JMJD1C: variants seen among roughly 807,000 people sequenced by gnomAD.
JMJD1C encodes jumonji domain-containing protein 1C.
Under a neutral mutation model 245.3 loss-of-function variants are expected in JMJD1C, and 31 were observed. That is an observed-to-expected ratio of 0.13 (90% CI 0.09 to 0.17). JMJD1C has a LOEUF of 0.17. JMJD1C is among the 10% of genes least tolerant of loss of function. JMJD1C has a pLI of 1.00. For synonymous variants in JMJD1C, 1,057 were observed against 1,017.4 expected, an observed-to-expected ratio of 1.04 and a Z score of -0.74; for missense variants, 2,691 against 3,000.2, an observed-to-expected ratio of 0.90 and a Z score of 2.41.
At chr10:63,268,408 T>G (rs1440028653) in intron 2 of JMJD1C, among the ~76,000 whole-genome samples, 1 of 152,160 alleles carries the variant, frequency 6.6e-6, no homozygotes, top group East Asian at 1.9e-4. Flanking sequence ...AACACTAGTC[T>G]GAAAATCCTA....
chr10:63,233,207 T>A (rs1033875068), intron 3 of JMJD1C, among the ~76,000 whole-genome samples: 1 of 152,210 alleles, frequency 6.6e-6, no homozygotes, highest in South Asian at 2.1e-4. Flanking sequence ...TAATCCTTTA[T>A]AGTTAAAAAT....
chr10:63,182,567 T>C (rs1843618123), intron 22 of JMJD1C, among the ~76,000 whole-genome samples: 1 of 152,176 alleles, frequency 6.6e-6, no homozygotes, highest in South Asian at 2.1e-4. Context: ...GAAAAAATCA[T>C]CTTAGACTCT....
At chr10:63,173,060 G>C (rs966535558) in intron 24 of JMJD1C, among the ~76,000 whole-genome samples, 1 of 151,888 alleles carries the variant, frequency 6.6e-6, no homozygotes, top group Admixed American at 6.6e-5. Context: ...AACAATGATT[G>C]CATCTGGAAA....
intron 1 of JMJD1C, among the ~76,000 whole-genome samples, chr10:63,435,197 T>C (rs555868710): frequency 6.6e-6 from 1 of 152,332 alleles, no homozygotes; most frequent in East Asian, 1.9e-4. Flanking sequence ...TACAGATCAA[T>C]TTGCTGTTTT....
chr10:63,296,003 G>GTGTGTGTGTA (rs1285499198), intron 2 of JMJD1C, among the ~76,000 whole-genome samples: 1 of 95,732 alleles, frequency 1.0e-5, no homozygotes, highest in African/African-American at 3.9e-5. Context: ...GTGTGTGTGT[G>GTGTGTGTGTA]TATATATATA....
chr10:63,264,835 C>CCAATA (rs1855333014), intron 2 of JMJD1C, 71 bp from the exon 3 acceptor site: 1 of 711,306 alleles, frequency 1.4e-6, no homozygotes, highest in Admixed American at 2.5e-5. Flanking sequence ...GGAACACACA[C>CCAATA]CAATACAATG....
intron 1 of JMJD1C, among the ~76,000 whole-genome samples, chr10:63,514,870 T>C (rs763374732): frequency 1.1e-4 from 16 of 152,248 alleles, no homozygotes; most frequent in Non-Finnish European, 2.1e-4. Flanking sequence ...GATGTTTGGT[T>C]TGGTCTCCTC....
intron 3 of JMJD1C, chr10:63,222,269 G>C: frequency 1.2e-6 from 1 of 854,864 alleles, no homozygotes; most frequent in Non-Finnish European, 2.0e-6. Context: ...AACAGGGAGA[G>C]CTGTCGAGAT....
chr10:63,228,905 T>C (rs1159982695), intron 3 of JMJD1C, among the ~76,000 whole-genome samples: 1 of 152,192 alleles, frequency 6.6e-6, no homozygotes, highest in Non-Finnish European at 1.5e-5. Context: ...ATACTTGATT[T>C]TAATGTACAT....
chr10:63,455,217 C>T lies in JMJD1C; in HGVS notation c.168+10278G>A, dbSNP rs193021949. 2.2e-4 allele frequency among the ~76,000 whole-genome samples: 33 copies of T among 152,204 alleles called. No homozygotes were observed. In the East Asian group the frequency reaches 6.2e-3, roughly 28 times the overall value. ...TACTTCTTTATGTTTCTGTGGTACC[C>T]AGTCAAAAAAGTTAATAAATTTTAG... is the stretch of plus-strand genomic sequence containing the variant. On this transcript the variant is annotated intron_variant, in intron 1 of 25. Transcript: ENST00000399262.
intron 2 of JMJD1C, among the ~76,000 whole-genome samples, chr10:63,377,492 T>C (rs898143062): frequency 1.3e-5 from 2 of 152,084 alleles, no homozygotes; most frequent in African/African-American, 4.8e-5. Flanking sequence ...CCCAGCACTT[T>C]GGGAGGCTGA....
At chr10:63,311,811 A>G (rs749322548) in intron 2 of JMJD1C, among the ~76,000 whole-genome samples, 10 of 152,198 alleles carry the variant, frequency 6.6e-5, no homozygotes, top group Non-Finnish European at 1.3e-4. Flanking sequence ...AAAAAGAAGT[A>G]CAAGAACACT....
intron 2 of JMJD1C, among the ~76,000 whole-genome samples, chr10:63,282,967 G>T (rs1250247821): frequency 6.6e-6 from 1 of 152,136 alleles, no homozygotes; most frequent in Non-Finnish European, 1.5e-5. Context: ...CTGCCTGCCT[G>T]GGCCTCCCAA....
Position 63,351,224 on chromosome 10 carries a change from G to A in JMJD1C, c.333+29094C>T, listed in dbSNP as rs991015309. On this transcript the variant is annotated intron_variant, in intron 2 of 25. Coordinates refer to ENST00000399262, the MANE Select transcript of JMJD1C (RefSeq NM_032776.3). ...CTCCTGAGGAGCTGGGATTACAAGC[G>A]CCTGCCACCACGCCCAGCTAATTTT... is the stretch of plus-strand genomic sequence containing the variant. Among the ~76,000 whole-genome samples the A allele has an allele frequency of 4.6e-5, 7 of 151,414 alleles. No homozygotes were observed. In the East Asian group the frequency reaches 5.8e-4, roughly 13 times the overall value.
At chr10:63,191,244 G>T in intron 16 of JMJD1C, 136 bp from the exon 17 acceptor site, 2 of 644,946 alleles carry the variant, frequency 3.1e-6, no homozygotes, top group South Asian at 3.8e-5. Flanking sequence ...TGGTTCTCCT[G>T]TCTCAGCTTC....
At chr10:63,194,882 G>GT (rs1845261115) in intron 13 of JMJD1C, among the ~76,000 whole-genome samples, 2 of 152,148 alleles carry the variant, frequency 1.3e-5, no homozygotes, top group Non-Finnish European at 2.9e-5. Flanking sequence ...TTCAAATAAG[G>GT]TTTCATCCCT....
At chr10:63,371,325 AT>A (rs1231824154) in intron 2 of JMJD1C, among the ~76,000 whole-genome samples, 1 of 152,078 alleles carries the variant, frequency 6.6e-6, no homozygotes. Context: ...GATGTAATTA[AT>A]TTTTTTTACT....
intron 1 of JMJD1C, among the ~76,000 whole-genome samples, chr10:63,495,530 G>A (rs938267582): frequency 3.9e-5 from 6 of 152,168 alleles, no homozygotes; most frequent in African/African-American, 1.2e-4. Flanking sequence ...CCAGCACTTT[G>A]GGAAGCCGAG....
At chr10:63,310,530 C>T (rs1162615066) in intron 2 of JMJD1C, among the ~76,000 whole-genome samples, 1 of 152,102 alleles carries the variant, frequency 6.6e-6, no homozygotes, top group East Asian at 1.9e-4. Context: ...GAAGGATGGG[C>T]AGATTACTTA....
Sources: gnomAD v4.1 joint callset for allele counts (sites outside exome capture counted in the v4.1 genomes callset) on GRCh38, gnomAD v4.1.1 for gene constraint, MANE v1.5 for transcripts, NCBI Gene and HGNC (gene_info 2026-07-23, HGNC 2026-07-21) for gene names.